The following PTCHD4 variants were observed in gnomAD, a reference collection of about 807,000 sequenced individuals.
PTCHD4 encodes patched domain-containing protein 4.
In PTCHD4, 33 loss-of-function variants were observed where a neutral mutation model predicts 58.1. The observed-to-expected ratio is 0.57, with a 90% CI of 0.43 to 0.76. The LOEUF (loss-of-function observed/expected upper bound fraction) is 0.76, where lower values mean the gene tolerates loss of function less well. PTCHD4 is among the 30% of genes least tolerant of loss of function. The pLI is 0.00. For missense variants in PTCHD4, 1,058 were observed against 1,027.1 expected, an observed-to-expected ratio of 1.03 and a Z score of -0.41; for synonymous variants, 478 against 409.6, an observed-to-expected ratio of 1.17 and a Z score of -2.02.
intron 4 of PTCHD4, among the ~76,000 whole-genome samples, chr6:47,938,810 G>T (rs1332851034): frequency 6.6e-6 from 1 of 152,168 alleles, no homozygotes; most frequent in African/African-American, 2.4e-5. Context: ...GAGGGTCAAA[G>T]TGTTCAGAAT....
intron 3 of PTCHD4, among the ~76,000 whole-genome samples, chr6:48,036,272 G>A (rs1275340795): frequency 6.6e-6 from 1 of 152,086 alleles, no homozygotes. Flanking sequence ...GCCAGACTAA[G>A]GTCATGCATA....
intron 4 of PTCHD4, among the ~76,000 whole-genome samples, chr6:47,986,844 C>A (rs566841249): frequency 5.9e-5 from 9 of 152,240 alleles, no homozygotes; most frequent in Non-Finnish European, 1.0e-4. Flanking sequence ...TGCTTTGTAT[C>A]CACTCAACAT....
intron 3 of PTCHD4, among the ~76,000 whole-genome samples, chr6:48,059,677 G>C (rs116965917): frequency 6.6e-6 from 1 of 151,974 alleles, no homozygotes; most frequent in Non-Finnish European, 1.5e-5. Context: ...TAAAGTCATA[G>C]ACTTAATGGG....
At position 47,874,743 on chromosome 6, in the gene PTCHD4, T is replaced by TACA. The variant is rs33977845; in HGVS notation, c.*3557_*3559dup. Among the ~76,000 whole-genome samples, 100,587 of 151,098 alleles carry TACA rather than the reference T, an allele frequency of 0.67. 33,965 individuals are homozygous for TACA. Among genetic ancestry groups the TACA allele is most frequent in the East Asian group, 0.78 (3,978 of 5,096 alleles). ...AAATAGGAAAGGGCCACTTACATGATACAACAACAGAGGAGAATAGTTCTT... is the reference window on the plus strand; with the variant it reads ...AAATAGGAAAGGGCCACTTACATGATACAACAACAACAGAGGAGAATAGTTCTT... On this transcript the variant is annotated 3_prime_UTR_variant, in exon 5 of 5. Coordinates refer to ENST00000339488, the MANE Select transcript of PTCHD4 (RefSeq NM_001384253.1).
chr6:47,976,959 T>C (rs948743227), intron 4 of PTCHD4, among the ~76,000 whole-genome samples: 6 of 152,118 alleles, frequency 3.9e-5, no homozygotes, highest in Non-Finnish European at 1.5e-5. Context: ...GCTGAGAAGA[T>C]AAAGTAACAT....
chr6:47,919,662 A>T (rs1434873348), intron 4 of PTCHD4, among the ~76,000 whole-genome samples: 2 of 152,196 alleles, frequency 1.3e-5, no homozygotes, highest in Non-Finnish European at 2.9e-5. Flanking sequence ...TGTAATCAGG[A>T]TAAGAAGTTT....
chr6:48,102,991 G>A (rs1765640469), intron 1 of PTCHD4, among the ~76,000 whole-genome samples: 1 of 152,234 alleles, frequency 6.6e-6, no homozygotes, highest in Non-Finnish European at 1.5e-5. Flanking sequence ...ACAGCTCAAA[G>A]GGGCCTGCCT....
At chr6:48,109,935 G>T (rs1765829138) in intron 1 of PTCHD4, among the ~76,000 whole-genome samples, 1 of 151,966 alleles carries the variant, frequency 6.6e-6, no homozygotes, top group African/African-American at 2.4e-5. Flanking sequence ...CTTAAAAAGA[G>T]AGAAAAAAAA....
intron 4 of PTCHD4, among the ~76,000 whole-genome samples, chr6:47,914,372 G>C (rs1300934411): frequency 6.6e-6 from 1 of 152,056 alleles, no homozygotes; most frequent in East Asian, 1.9e-4. Context: ...AAAGCCAATT[G>C]TTCTCAATGT....
chr6:48,083,833 C>A (rs1291506084), intron 1 of PTCHD4, among the ~76,000 whole-genome samples: 1 of 152,118 alleles, frequency 6.6e-6, no homozygotes, highest in Non-Finnish European at 1.5e-5. Context: ...TGTTTAAAAT[C>A]TGAATGAATT....
intron 3 of PTCHD4, among the ~76,000 whole-genome samples, chr6:48,019,419 G>A (rs567858669): frequency 6.6e-6 from 1 of 152,006 alleles, no homozygotes; most frequent in South Asian, 2.1e-4. Flanking sequence ...GGAAAGATAA[G>A]TAAGTAGGCA....
At chr6:47,993,371 T>C (rs917517749) in intron 4 of PTCHD4, among the ~76,000 whole-genome samples, 1 of 152,164 alleles carries the variant, frequency 6.6e-6, no homozygotes, top group Non-Finnish European at 1.5e-5. Context: ...CTAAGATAGA[T>C]ATAAAAATTA....
intron 3 of PTCHD4, among the ~76,000 whole-genome samples, chr6:48,025,350 G>GA (rs567055357): frequency 8.9e-4 from 136 of 152,214 alleles, no homozygotes; most frequent in African/African-American, 3.2e-3. Flanking sequence ...ACACACTTGA[G>GA]AAAAAACTAA....
intron 1 of PTCHD4, among the ~76,000 whole-genome samples, chr6:48,083,310 T>C (rs577554725): frequency 7.2e-5 from 11 of 152,132 alleles, no homozygotes; most frequent in African/African-American, 2.6e-4. Flanking sequence ...TATATTTTAC[T>C]TAACAAAACA....
At chr6:47,889,794 G>T (rs570270787) in intron 4 of PTCHD4, among the ~76,000 whole-genome samples, 4 of 150,670 alleles carry the variant, frequency 2.7e-5, no homozygotes, top group African/African-American at 9.7e-5. Flanking sequence ...ATAGGCATGG[G>T]CAAGGACTTC....
chr6:47,912,475 C>T (rs1765100997), intron 4 of PTCHD4, among the ~76,000 whole-genome samples: 1 of 152,140 alleles, frequency 6.6e-6, no homozygotes, highest in African/African-American at 2.4e-5. Flanking sequence ...CGTCCCCCAA[C>T]ACTAAATGCC....
Position 48,103,541 on chromosome 6 carries a change from G to T in PTCHD4, c.-970+7508C>A, listed in dbSNP as rs185152433. On this transcript the variant is annotated intron_variant, in intron 1 of 4. Coordinates refer to ENST00000339488, the MANE Select transcript of PTCHD4 (RefSeq NM_001384253.1). ...AACCAGAAACTCTAAAAATCAGAGC[G>T]CCTCTCCTCCTCCAAAGGAACGCAG... 2.0e-3 allele frequency among the ~76,000 whole-genome samples: 309 copies of T among 152,302 alleles called. 7 individuals are homozygous for T. In the East Asian group the frequency reaches 0.029, roughly 14 times the overall value.
intron 4 of PTCHD4, among the ~76,000 whole-genome samples, chr6:47,971,335 T>TA (rs113820804): frequency 0.21 from 31,671 of 149,664 alleles, 3,387 homozygotes; most frequent in South Asian, 0.32. Flanking sequence ...GATTGCTGAA[T>TA]AAAAAAAAAA....
intron 3 of PTCHD4, among the ~76,000 whole-genome samples, chr6:48,010,637 T>C (rs1762632582): frequency 6.6e-6 from 1 of 152,152 alleles, no homozygotes; most frequent in Non-Finnish European, 1.5e-5. Context: ...CTGGGGTACA[T>C]GTGCAGAACG....
Sources: allele counts gnomAD v4.1 joint callset (sites outside exome capture counted in the v4.1 genomes callset), GRCh38; gene constraint gnomAD v4.1.1; transcripts MANE v1.5; gene names NCBI Gene and HGNC (gene_info 2026-07-23, HGNC 2026-07-21).